CCL26: variants seen among roughly 807,000 people sequenced by gnomAD.
CCL26 encodes C-C motif chemokine 26.
In CCL26, 10 loss-of-function variants were observed where a neutral mutation model predicts 10.7. The observed-to-expected ratio is 0.93, with a 90% CI of 0.57 to 1.58. The LOEUF (loss-of-function observed/expected upper bound fraction) is 1.58, where lower values mean the gene tolerates loss of function less well. CCL26 is among the 40% of genes most tolerant of loss of function. The pLI is 0.00. For synonymous variants in CCL26, 43 were observed against 41.4 expected, an observed-to-expected ratio of 1.04 and a Z score of -0.15; for missense variants, 116 against 111.0, an observed-to-expected ratio of 1.05 and a Z score of -0.20.
At chr7:75,786,098 C>T (rs1803179116) in intron 1 of CCL26, among the ~76,000 whole-genome samples, 1 of 152,216 alleles carries the variant, frequency 6.6e-6, no homozygotes, top group South Asian at 2.1e-4. Context: ...TTCAGCTATA[C>T]TCAGTCTCTG....
chr7:75,788,612 G>A (rs978344934), intron 1 of CCL26, among the ~76,000 whole-genome samples: 9 of 151,800 alleles, frequency 5.9e-5, no homozygotes, highest in Admixed American at 4.6e-4. Context: ...GGTGGTGTGC[G>A]TCTGTAATCC....
chr7:75,777,919 A>G (rs1802978342), intron 1 of CCL26, among the ~76,000 whole-genome samples: 1 of 150,272 alleles, frequency 6.7e-6, no homozygotes, highest in Admixed American at 6.7e-5. Context: ...TGTTGCCACC[A>G]TGTTTGTCCA....
intron 1 of CCL26, among the ~76,000 whole-genome samples, chr7:75,780,760 T>G (rs564056049): frequency 1.3e-5 from 2 of 152,210 alleles, no homozygotes; most frequent in African/African-American, 4.8e-5. Context: ...TCCTTTTCTA[T>G]GGACCCATCT....
Position 75,771,896 on chromosome 7 carries a change from C to T in CCL26, c.181G>A (p.Ala61Thr), listed in dbSNP as rs781987275. 13 of 1,610,656 alleles carry T rather than the reference C, an allele frequency of 8.1e-6. No individual in the cohort carries two copies. The highest frequency in any genetic ancestry group is 1.0e-5 in the Non-Finnish European group (12 of 1,176,948). The change falls in exon 2 of 3, where the codon GCT becomes ACT. Residue 61 changes from alanine to threonine, a missense_variant. Coordinates refer to ENST00000005180, the MANE Select transcript of CCL26 (RefSeq NM_001371938.1). Reference protein sequence around the residue: ...EFTSNSCSQRAVIFTTKRGKK... With the variant: ...EFTSNSCSQRTVIFTTKRGKK... Reference sequence around the variant, plus strand: ...CGTCCGAGAAATACTCACATCACAGCCCGCTGGGAGCAGCTGTTACTGGTG... The same window carrying T: ...CGTCCGAGAAATACTCACATCACAGTCCGCTGGGAGCAGCTGTTACTGGTG...
chr7:75,782,124 C>A (rs992416149), intron 1 of CCL26, among the ~76,000 whole-genome samples: 1 of 152,092 alleles, frequency 6.6e-6, no homozygotes, highest in Non-Finnish European at 1.5e-5. Flanking sequence ...CTCTCACTAT[C>A]CCTCAACCTC....
At chr7:75,785,246 A>G (rs1225589296) in intron 1 of CCL26, among the ~76,000 whole-genome samples, 2 of 152,000 alleles carry the variant, frequency 1.3e-5, no homozygotes, top group African/African-American at 4.8e-5. Flanking sequence ...ACTGACCCTG[A>G]CACCCATCAG....
intron 1 of CCL26, among the ~76,000 whole-genome samples, chr7:75,781,818 CT>C (rs1282236405): frequency 9.8e-5 from 15 of 152,286 alleles, no homozygotes; most frequent in African/African-American, 1.7e-4. Flanking sequence ...AGCCCCACCC[CT>C]ATCTCCCTTC....
At chr7:75,776,260 T>A (rs782734943), upstream of CCL26, among the ~76,000 whole-genome samples, 1 of 151,532 alleles carries the variant, frequency 6.6e-6, no homozygotes, top group Non-Finnish European at 1.5e-5. Flanking sequence ...TTGGTAGAGA[T>A]GGGGTTTCAC....
chr7:75,788,175 T>G (rs28788230), intron 1 of CCL26, among the ~76,000 whole-genome samples: 29,439 of 152,088 alleles, frequency 0.19, 3,270 homozygotes, highest in Admixed American at 0.34. Context: ...GTCAGGCCTC[T>G]GAGCCCAAGC....
chr7:75,770,749 TC>T (rs781975604), intron 2 of CCL26, among the ~76,000 whole-genome samples: 4 of 151,882 alleles, frequency 2.6e-5, no homozygotes, highest in Non-Finnish European at 5.9e-5. Flanking sequence ...CGATCTCTAC[TC>T]CTGCAAACTC....
intron 1 of CCL26, among the ~76,000 whole-genome samples, chr7:75,779,727 C>G (rs1041813776): frequency 6.6e-6 from 1 of 152,332 alleles, no homozygotes; most frequent in East Asian, 1.9e-4. Context: ...GTCTGATCAC[C>G]GCAGTGACGC....
At chr7:75,789,459 C>CTTTTTTTTTTTT (rs782166200) in intron 1 of CCL26, among the ~76,000 whole-genome samples, 1 of 104,278 alleles carries the variant, frequency 9.6e-6, no homozygotes, top group Non-Finnish European at 1.8e-5. Flanking sequence ...TTCTCTTTTT[C>CTTTTTTTTTTTT]TCTTTTTTTT....
chr7:75,789,207 A>G (rs894842567), intron 1 of CCL26, among the ~76,000 whole-genome samples: 6 of 151,196 alleles, frequency 4.0e-5, no homozygotes, highest in African/African-American at 1.5e-4. Context: ...AGCCTCCCAA[A>G]GTGCTGGGAT....
chr7:75,774,903 G>A (rs7804842), upstream of CCL26, among the ~76,000 whole-genome samples: 43,035 of 151,654 alleles, frequency 0.28, 6,523 homozygotes, highest in African/African-American at 0.39. Flanking sequence ...CTAGGTGACC[G>A]AGCAAGACTC....
chr7:75,787,680 AC>A (rs1476938693), intron 1 of CCL26, among the ~76,000 whole-genome samples: 3 of 100,814 alleles, frequency 3.0e-5, no homozygotes, highest in Admixed American at 1.2e-4. Context: ...AAAAAGACAC[AC>A]CCCCCAAGCT....
chr7:75,783,740 T>C (rs1405588842), intron 1 of CCL26, among the ~76,000 whole-genome samples: 2 of 146,518 alleles, frequency 1.4e-5, no homozygotes, highest in Admixed American at 1.4e-4. Flanking sequence ...TGAGCTGAGA[T>C]CGTGCCACTG....
intron 1 of CCL26, among the ~76,000 whole-genome samples, chr7:75,787,190 G>A (rs1554530084): frequency 6.6e-6 from 1 of 152,086 alleles, no homozygotes; most frequent in Admixed American, 6.6e-5. Flanking sequence ...GTAATTCCTC[G>A]GTTTGGCCTT....
At chr7:75,777,988 G>A (rs1802979496) in intron 1 of CCL26, among the ~76,000 whole-genome samples, 1 of 151,902 alleles carries the variant, frequency 6.6e-6, no homozygotes, top group South Asian at 2.1e-4. Flanking sequence ...CCAAAGTGCT[G>A]GGATTACAGG....
intron 1 of CCL26, among the ~76,000 whole-genome samples, chr7:75,787,503 A>C (rs1256057686): frequency 6.6e-6 from 1 of 151,604 alleles, no homozygotes; most frequent in African/African-American, 2.4e-5. Flanking sequence ...AAATTAGCCA[A>C]GCGTGGTGGC....
Sources: allele counts gnomAD v4.1 joint callset (sites outside exome capture counted in the v4.1 genomes callset), GRCh38; gene constraint gnomAD v4.1.1; transcripts MANE v1.5; gene names NCBI Gene and HGNC (gene_info 2026-07-23, HGNC 2026-07-21).